GABRR3: variants seen among roughly 807,000 people sequenced by gnomAD.
GABRR3 encodes the protein gamma-aminobutyric acid type A receptor subunit rho3, also known as gamma-aminobutyric acid receptor subunit rho-3.
Under a neutral mutation model 43.2 loss-of-function variants are expected in GABRR3, and 29 were observed. The observed-to-expected ratio is 0.67, with a 90% CI of 0.50 to 0.92. The LOEUF is 0.92. Ranked by LOEUF, GABRR3 falls within the 40% of genes least tolerant of loss-of-function variation. The pLI is 0.00. For missense variants in GABRR3, 576 were observed against 572.3 expected, an observed-to-expected ratio of 1.01 and a Z score of -0.07; for synonymous variants, 206 against 195.9, an observed-to-expected ratio of 1.05 and a Z score of -0.43.
intron 2 of GABRR3, among the ~76,000 whole-genome samples, chr3:98,034,454 T>G (rs1266486784): frequency 2.6e-5 from 4 of 152,158 alleles, no homozygotes; most frequent in Non-Finnish European, 5.9e-5. Context: ...TCCATGAAAC[T>G]ATATACCCTA....
chr3:98,014,879 A>T lies in GABRR3; in HGVS notation c.307-2312T>A, dbSNP rs538774801. Among the ~76,000 whole-genome samples the T allele has an allele frequency of 4.6e-5, 7 of 152,184 alleles. No homozygotes were observed. In the South Asian group the frequency reaches 1.5e-3, roughly 32 times the overall value. On this transcript the variant is annotated intron_variant, in intron 4 of 9. Coordinates refer to ENST00000621172, the Ensembl canonical transcript of GABRR3. ...CTTTGTCTCTCTCTTTTTATCTTTA[A>T]TTGCAGTATTTGCATTATTACAAAA...
At chr3:98,018,601 C>G (rs147739374) in intron 3 of GABRR3, among the ~76,000 whole-genome samples, 443 of 152,186 alleles carry the variant, frequency 2.9e-3, no homozygotes, top group African/African-American at 0.01. Context: ...GTAACATCAA[C>G]ATTTAGTTTT....
At chr3:98,034,948 A>T (rs1275112445) in exon 2 of GABRR3, 1 of 1,613,048 alleles carries the variant, frequency 6.2e-7, no homozygotes, top group Admixed American at 1.7e-5. Flanking sequence ...AATATGATCC[A>T]GATGTAGGTG....
intron 7 of GABRR3, among the ~76,000 whole-genome samples, chr3:98,007,020 G>A (rs1299833565): frequency 6.6e-6 from 1 of 152,128 alleles, no homozygotes; most frequent in African/African-American, 2.4e-5. Flanking sequence ...CATTCCAGGT[G>A]CTGCAGAAGA....
At chr3:98,027,186 A>G (rs1448584276) in intron 2 of GABRR3, among the ~76,000 whole-genome samples, 4 of 152,204 alleles carry the variant, frequency 2.6e-5, no homozygotes, top group Admixed American at 2.0e-4. Context: ...TACTATGTTC[A>G]AGTCACCAAG....
intron 9 of GABRR3, among the ~76,000 whole-genome samples, chr3:97,992,558 T>C (rs1172922244): frequency 2.6e-5 from 4 of 152,142 alleles, no homozygotes; most frequent in East Asian, 3.8e-4. Context: ...TGAAAGAATG[T>C]GGTTTGTATG....
chr3:98,016,572 AGACT>A (rs1204542165), intron 4 of GABRR3, among the ~76,000 whole-genome samples: 2 of 152,204 alleles, frequency 1.3e-5, no homozygotes, highest in African/African-American at 2.4e-5. Flanking sequence ...TAACACAAAC[AGACT>A]AAGACAACAA....
chr3:97,990,078 G>A (rs1487994099), intron 9 of GABRR3, among the ~76,000 whole-genome samples: 2 of 152,102 alleles, frequency 1.3e-5, no homozygotes, highest in Admixed American at 6.5e-5. Flanking sequence ...TCATCCTATT[G>A]GATTTGTTCC....
rs138603036 is a variant in GABRR3 at position 98,008,722 on chromosome 3, A to G, written c.613+234T>C. ...TATTGTGGAAACTACAGAATATGCA[A>G]TTATCAAAACACTTTTCCCCTGAAC... is the stretch of plus-strand genomic sequence containing the variant. On this transcript the variant is annotated intron_variant, in intron 6 of 9. Transcript: ENST00000621172. Among the ~76,000 whole-genome samples the G allele has an allele frequency of 3.3e-3, 342 of 103,500 alleles. 1 individual carries two copies. Among genetic ancestry groups the G allele is most frequent in the Non-Finnish European group, 5.8e-3 (271 of 46,970 alleles). The allele number at this position is 103,500 out of a possible 152,430, so 67.9% of individuals were successfully genotyped here. A position where few individuals can be genotyped will look rare whatever the true frequency, so the allele number is the denominator to read the frequency against.
chr3:98,020,149 T>G (rs1031454921), intron 3 of GABRR3, among the ~76,000 whole-genome samples: 2 of 152,102 alleles, frequency 1.3e-5, no homozygotes, highest in Admixed American at 6.5e-5. Context: ...ATGTCCCAAA[T>G]GAAGTTCTAG....
intron 9 of GABRR3, 69 bp from the exon 10 acceptor site, chr3:97,987,051 T>C (rs1033904220): frequency 1.6e-5 from 17 of 1,058,802 alleles, no homozygotes; most frequent in Non-Finnish European, 2.0e-5. Flanking sequence ...TGGTAAATAA[T>C]GTTAATAAAG....
At chr3:97,999,321 A>C (rs1021867991) in intron 8 of GABRR3, 3 of 151,958 alleles carry the variant, frequency 2.0e-5, no homozygotes, top group African/African-American at 7.3e-5. Context: ...TCATACTTTC[A>C]CTCTCTTTCC....
At chr3:98,033,358 C>T (rs984550730) in intron 2 of GABRR3, among the ~76,000 whole-genome samples, 4 of 152,112 alleles carry the variant, frequency 2.6e-5, no homozygotes, top group Non-Finnish European at 5.9e-5. Context: ...TTTGCATAGG[C>T]TCTAAAATTC....
intron 8 of GABRR3, among the ~76,000 whole-genome samples, chr3:97,995,755 A>G (rs1576037057): frequency 6.6e-6 from 1 of 152,218 alleles, no homozygotes; most frequent in East Asian, 1.9e-4. Flanking sequence ...ATCTTGCGCC[A>G]CCCCTCAAAA....
At chr3:98,028,999 T>A (rs1707054793) in intron 2 of GABRR3, among the ~76,000 whole-genome samples, 1 of 152,128 alleles carries the variant, frequency 6.6e-6, no homozygotes, top group South Asian at 2.1e-4. Flanking sequence ...TTAAATCCCT[T>A]TGTGTCTTCT....
chr3:98,013,596 TACAA>T (rs1261610947), intron 4 of GABRR3, among the ~76,000 whole-genome samples: 1 of 152,232 alleles, frequency 6.6e-6, no homozygotes, highest in Non-Finnish European at 1.5e-5. Flanking sequence ...GCATTTATTA[TACAA>T]ACAAAGGATA....
At chr3:98,018,440 C>T (rs1291754293) in intron 3 of GABRR3, among the ~76,000 whole-genome samples, 1 of 152,174 alleles carries the variant, frequency 6.6e-6, no homozygotes, top group Non-Finnish European at 1.5e-5. Context: ...CAGAGCACTG[C>T]TGACACTTGT....
chr3:97,989,603 C>T (rs1007828488), intron 9 of GABRR3, among the ~76,000 whole-genome samples: 1 of 151,912 alleles, frequency 6.6e-6, no homozygotes, highest in Non-Finnish European at 1.5e-5. Context: ...CATAGCGAGG[C>T]CTAACATTCC....
intron 3 of GABRR3, among the ~76,000 whole-genome samples, chr3:98,025,122 G>T (rs947243160): frequency 6.6e-6 from 1 of 152,188 alleles, no homozygotes; most frequent in African/African-American, 2.4e-5. Context: ...AATCTTAATT[G>T]CTAGAAGTGA....
Sources: allele counts gnomAD v4.1 joint callset (sites outside exome capture counted in the v4.1 genomes callset), GRCh38; gene constraint gnomAD v4.1.1; transcripts MANE v1.5; gene names NCBI Gene and HGNC (gene_info 2026-07-23, HGNC 2026-07-21).